The following CCDC158 variants were observed in gnomAD, a reference collection of about 807,000 sequenced individuals.
CCDC158 encodes coiled-coil domain-containing protein 158.
A neutral mutation model predicts 138.6 loss-of-function variants in CCDC158; 116 were observed. The observed-to-expected ratio is 0.84, with a 90% CI of 0.72 to 0.98. The LOEUF is 0.98. Ranked by LOEUF, CCDC158 falls within the 50% of genes least tolerant of loss-of-function variation. The probability of loss-of-function intolerance (pLI) is 0.00; values close to 1 mark genes in which losing one functional copy is unlikely to be tolerated. For missense variants in CCDC158, 1,265 were observed against 1,306.1 expected (o/e 0.97, Z 0.48); for synonymous variants, 436 against 442.4 (o/e 0.99, Z 0.18).
At chr4:76,386,534 G>A (rs1422117560) in intron 4 of CCDC158, among the ~76,000 whole-genome samples, 6 of 152,384 alleles carry the variant, frequency 3.9e-5, no homozygotes, top group African/African-American at 1.4e-4. Flanking sequence ...CCCACACTGT[G>A]TAGTGTACTT....
In CCDC158 at chr4:76,328,898, A is replaced by T; in HGVS notation, c.3010+2T>A. The T allele has an allele frequency of 6.2e-7, 1 of 1,613,032 alleles. No individual in the cohort carries two copies. The highest frequency in any genetic ancestry group is 1.1e-5 in the South Asian group (1 of 91,064). Reference sequence around the variant, plus strand: ...ATTTCTGTGCTTTCATTGGAAACTCACCTGCAGATGTGAATGTGAAGCAAC... The same window carrying T: ...ATTTCTGTGCTTTCATTGGAAACTCTCCTGCAGATGTGAATGTGAAGCAAC... On this transcript the variant is annotated splice_donor_variant, in intron 22 of 24. Transcript: ENST00000682701. LOFTEE classifies it high-confidence loss of function.
intron 10 of CCDC158, 77 bp downstream of exon 10, chr4:76,371,340 G>A: frequency 7.1e-7 from 1 of 1,412,990 alleles, no homozygotes; most frequent in South Asian, 1.3e-5. Flanking sequence ...TTTTATAAAG[G>A]AAACGAGTTT....
Position 76,369,388 on chromosome 4 carries a change from G to A in CCDC158, c.1347+38C>T, listed in dbSNP as rs201708932. Reference sequence around the variant, plus strand: ...ATAAAATATTTATTTCCCCAGAGGAGATTGTTTGGCGATGGCACAGCCTGT... The same window carrying A: ...ATAAAATATTTATTTCCCCAGAGGAAATTGTTTGGCGATGGCACAGCCTGT... On this transcript the variant is annotated intron_variant, in intron 11 of 24. Transcript: ENST00000682701. 133 of 1,594,498 alleles carry A rather than the reference G, an allele frequency of 8.3e-5. No homozygotes were observed. In the Middle Eastern group the frequency reaches 1.1e-3, roughly 13 times the overall value.
chr4:76,359,697 G>A (rs1723942198), intron 13 of CCDC158, among the ~76,000 whole-genome samples: 2 of 152,238 alleles, frequency 1.3e-5, no homozygotes, highest in South Asian at 2.1e-4. Flanking sequence ...TGTTCAAGAT[G>A]TGGCCTGGCT....
intron 13 of CCDC158, among the ~76,000 whole-genome samples, chr4:76,361,366 T>C (rs1227467091): frequency 6.6e-6 from 1 of 152,064 alleles, no homozygotes; most frequent in East Asian, 1.9e-4. Context: ...ATCGAGACCA[T>C]CCTGGCTAAC....
chr4:76,365,012 G>A (rs1162883784), intron 12 of CCDC158, among the ~76,000 whole-genome samples: 7 of 152,170 alleles, frequency 4.6e-5, no homozygotes, highest in Non-Finnish European at 1.0e-4. Context: ...AGTAAGGGAC[G>A]GGGAGGGCTT....
At chr4:76,351,145 C>T (rs778339181) in intron 17 of CCDC158, 24 bp from the exon 18 acceptor site, 16 of 1,578,266 alleles carry the variant, frequency 1.0e-5, no homozygotes, top group Non-Finnish European at 1.4e-5. Flanking sequence ...TAGAGGTAAG[C>T]AAAATAACTG....
At chr4:76,370,898 G>C (rs1455278917) in intron 10 of CCDC158, among the ~76,000 whole-genome samples, 1 of 152,044 alleles carries the variant, frequency 6.6e-6, no homozygotes, top group Non-Finnish European at 1.5e-5. Context: ...GGTTTGGTAA[G>C]CCGAGAAATT....
chr4:76,351,843 C>T (rs2110173360), intron 16 of CCDC158, 31 bp from the exon 17 acceptor site: 1 of 1,377,072 alleles, frequency 7.3e-7, no homozygotes, highest in Non-Finnish European at 1.0e-6. Flanking sequence ...AATGGTTTAT[C>T]TTGCATTCTT....
At chr4:76,356,466 C>T (rs1186864741) in intron 14 of CCDC158, 2 of 151,964 alleles carry the variant, frequency 1.3e-5, no homozygotes, top group Non-Finnish European at 2.9e-5. Flanking sequence ...ATTGTAATGT[C>T]CCTGGGGTGG....
intron 4 of CCDC158, 129 bp downstream of exon 4, chr4:76,396,140 A>C (rs1281926883): frequency 1.8e-6 from 1 of 551,668 alleles, no homozygotes; most frequent in East Asian, 3.2e-5. Flanking sequence ...CAAATTAACA[A>C]ATTTAACCAA....
chr4:76,372,340 G>A (rs935085598), intron 9 of CCDC158, among the ~76,000 whole-genome samples: 2 of 152,152 alleles, frequency 1.3e-5, no homozygotes, highest in Non-Finnish European at 2.9e-5. Context: ...AGCTACTTGG[G>A]AGGCTGAAGT....
At chr4:76,348,786 A>C (rs910833708) in intron 18 of CCDC158, among the ~76,000 whole-genome samples, 2 of 152,316 alleles carry the variant, frequency 1.3e-5, no homozygotes, top group African/African-American at 4.8e-5. Flanking sequence ...ACAGAGAGAC[A>C]AAAGGATGGG....
intron 21 of CCDC158, among the ~76,000 whole-genome samples, chr4:76,329,925 T>C (rs1026062873): frequency 1.3e-5 from 2 of 152,238 alleles, no homozygotes; most frequent in Admixed American, 1.3e-4. Context: ...CTGTATTTTC[T>C]TAACCCAGTT....
intron 2 of CCDC158, among the ~76,000 whole-genome samples, chr4:76,410,899 G>C (rs1057212185): frequency 2.0e-5 from 3 of 152,152 alleles, no homozygotes; most frequent in African/African-American, 4.8e-5. Flanking sequence ...GTGCCACCTT[G>C]AGAACAATAT....
intron 2 of CCDC158, among the ~76,000 whole-genome samples, chr4:76,408,374 C>T (rs1305470952): frequency 1.3e-5 from 2 of 152,002 alleles, no homozygotes; most frequent in South Asian, 2.1e-4. Context: ...GTGTGATGTT[C>T]CCCTTCCTGT....
chr4:76,366,565 G>T (rs1417709342), intron 12 of CCDC158, among the ~76,000 whole-genome samples: 2 of 151,770 alleles, frequency 1.3e-5, no homozygotes, highest in Non-Finnish European at 2.9e-5. Context: ...AGGCTAATAA[G>T]ATGTGTACCC....
chr4:76,408,707 T>A (rs1023404123), intron 2 of CCDC158, among the ~76,000 whole-genome samples: 2 of 152,190 alleles, frequency 1.3e-5, no homozygotes, highest in Admixed American at 6.5e-5. Flanking sequence ...TACCCAGTAA[T>A]GGGATGGCTG....
intron 4 of CCDC158, among the ~76,000 whole-genome samples, chr4:76,386,432 A>G (rs1251654518): frequency 7.8e-6 from 1 of 128,734 alleles, no homozygotes; most frequent in African/African-American, 2.9e-5. Context: ...CATAGGGCAT[A>G]CCCCCAAGTA....
Sources: allele counts gnomAD v4.1 joint callset (sites outside exome capture counted in the v4.1 genomes callset), GRCh38; gene constraint gnomAD v4.1.1; transcripts MANE v1.5; gene names NCBI Gene and HGNC (gene_info 2026-07-23, HGNC 2026-07-21).